Variants in TCF12 observed in about 807,000 individuals in gnomAD.
The protein encoded by TCF12 is transcription factor 12.
TCF12 carries 45 observed loss-of-function variants against 86.0 expected under a neutral mutation model. The ratio of observed to expected loss-of-function variants is 0.52; its 90% CI spans 0.41 to 0.67. The LOEUF (loss-of-function observed/expected upper bound fraction) is 0.67, where lower values mean the gene tolerates loss of function less well. Ranked by LOEUF, TCF12 falls within the 30% of genes least tolerant of loss-of-function variation. The pLI is 0.00. For synonymous variants in TCF12, 330 were observed against 299.6 expected (o/e 1.10, Z -1.05); for missense variants, 881 against 859.9 (o/e 1.02, Z -0.31).
chr15:57,200,450 A>C (rs2057484869), intron 8 of TCF12, among the ~76,000 whole-genome samples: 1 of 152,194 alleles, frequency 6.6e-6, no homozygotes, highest in East Asian at 1.9e-4. Context: ...GGAGTATTAA[A>C]AATGAAAATT....
At chr15:56,988,586 ATAAAGAGC>A (rs1328381634) in intron 3 of TCF12, among the ~76,000 whole-genome samples, 159 of 152,330 alleles carry the variant, frequency 1.0e-3, no homozygotes, top group African/African-American at 3.7e-3. Flanking sequence ...TGCTATAGTT[ATAAAGAGC>A]ACAAAGAGTG....
At chr15:57,009,899 A>G (rs1301116841) in intron 3 of TCF12, among the ~76,000 whole-genome samples, 1 of 152,168 alleles carries the variant, frequency 6.6e-6, no homozygotes, top group African/African-American at 2.4e-5. Flanking sequence ...ATGTAAAACT[A>G]ACTGTTTTAT....
At chr15:57,290,491 A>G (rs1239561247), downstream of TCF12, among the ~76,000 whole-genome samples, 5 of 152,160 alleles carry the variant, frequency 3.3e-5, no homozygotes, top group African/African-American at 1.2e-4. Context: ...CCTGTGAAAA[A>G]CAAAAGGGCA....
chr15:57,148,705 A>AG (rs2053541817), intron 5 of TCF12, among the ~76,000 whole-genome samples: 1 of 146,624 alleles, frequency 6.8e-6, no homozygotes, highest in South Asian at 2.1e-4. Context: ...ACGTGGCAAA[A>AG]AAAAAAAAAA....
At chr15:57,146,787 G>A (rs1286609364) in intron 5 of TCF12, among the ~76,000 whole-genome samples, 1 of 152,104 alleles carries the variant, frequency 6.6e-6, no homozygotes, top group African/African-American at 2.4e-5. Flanking sequence ...CAACATTTGG[G>A]AACCTTTCAT....
upstream of TCF12, chr15:56,918,411 C>T: frequency 2.8e-6 from 1 of 363,236 alleles, no homozygotes; most frequent in South Asian, 1.9e-5. Flanking sequence ...GGCGAGCGGT[C>T]GGGGCCTGCT....
At chr15:57,255,525 C>T (rs1205091734) in intron 16 of TCF12, among the ~76,000 whole-genome samples, 1 of 152,064 alleles carries the variant, frequency 6.6e-6, no homozygotes, top group Non-Finnish European at 1.5e-5. Flanking sequence ...ACTCTGTGGC[C>T]CAGGCTGGAG....
chr15:56,960,414 A>G (rs1234202078), intron 3 of TCF12, among the ~76,000 whole-genome samples: 1 of 149,004 alleles, frequency 6.7e-6, no homozygotes, highest in African/African-American at 2.5e-5. Context: ...TTGTTGACCC[A>G]AGGCTACTGT....
At chr15:56,953,114 TTTTC>T (rs1339593729) in intron 3 of TCF12, among the ~76,000 whole-genome samples, 1 of 152,056 alleles carries the variant, frequency 6.6e-6, no homozygotes. Flanking sequence ...GTCACATAGG[TTTTC>T]TTTGTTAATT....
intron 8 of TCF12, among the ~76,000 whole-genome samples, chr15:57,230,573 C>T (rs957033281): frequency 5.9e-5 from 9 of 151,956 alleles, no homozygotes; most frequent in African/African-American, 2.2e-4. Context: ...TAAAGCTTTG[C>T]CAGACTTGAA....
At chr15:56,959,729 T>A (rs1156619118) in intron 3 of TCF12, among the ~76,000 whole-genome samples, 2 of 152,200 alleles carry the variant, frequency 1.3e-5, no homozygotes, top group African/African-American at 4.8e-5. Flanking sequence ...AGTTTTTACA[T>A]TCGGATATCA....
chr15:57,165,816 G>A (rs1281156646), intron 5 of TCF12, among the ~76,000 whole-genome samples: 1 of 152,142 alleles, frequency 6.6e-6, no homozygotes, highest in African/African-American at 2.4e-5. Flanking sequence ...GATTACAGGC[G>A]TGAGCCACTG....
chr15:57,126,817 A>C (rs1266323675), intron 5 of TCF12, among the ~76,000 whole-genome samples: 1 of 152,220 alleles, frequency 6.6e-6, no homozygotes, highest in Non-Finnish European at 1.5e-5. Flanking sequence ...CAGTACACAG[A>C]AACTATAAGA....
At chr15:57,161,917 A>G (rs2054532699) in intron 5 of TCF12, among the ~76,000 whole-genome samples, 1 of 152,248 alleles carries the variant, frequency 6.6e-6, no homozygotes, top group Non-Finnish European at 1.5e-5. Flanking sequence ...TTAAAAGAAC[A>G]TTTTGATGAT....
rs540772178 is a variant in TCF12 at position 57,019,214 on chromosome 15, G to A, written c.149-44536G>A. On this transcript the variant is annotated intron_variant, in intron 3 of 20. Coordinates refer to ENST00000333725, the MANE Select transcript of TCF12 (RefSeq NM_207037.2). ...AAGGTATTTCAGAAGTATTTTACTC[G>A]TTGCCTTTTACTATCAATGTAGTGA... Among the ~76,000 whole-genome samples the A allele has an allele frequency of 5.3e-5, 8 of 152,284 alleles. No individual in the cohort carries two copies. The South Asian group carries it at 6.2e-4, about 12-fold the overall frequency.
intron 4 of TCF12, among the ~76,000 whole-genome samples, chr15:57,086,899 A>AT (rs1406284511): frequency 6.6e-6 from 1 of 152,132 alleles, no homozygotes; most frequent in African/African-American, 2.4e-5. Flanking sequence ...GATGAGATAA[A>AT]TTTTTTAAAT....
chr15:57,175,231 A>C (rs541141548), intron 6 of TCF12, among the ~76,000 whole-genome samples: 1 of 152,232 alleles, frequency 6.6e-6, no homozygotes, highest in South Asian at 2.1e-4. Context: ...CTGTAGTCCT[A>C]GCTACTCAGG....
chr15:57,212,906 A>G lies in TCF12; in HGVS notation c.579+15081A>G, dbSNP rs568210079. 1.3e-4 allele frequency among the ~76,000 whole-genome samples: 20 copies of G among 152,274 alleles called. No homozygotes were observed. In the East Asian group the frequency reaches 3.7e-3, roughly 28 times the overall value. On this transcript the variant is annotated intron_variant, in intron 8 of 20. Coordinates refer to ENST00000333725, the MANE Select transcript of TCF12 (RefSeq NM_207037.2). ...CTTTCGCGTTACATGATATAACTCC[A>G]CAGTTTTCTGGGACCTGAGTAGCCC... is the stretch of plus-strand genomic sequence containing the variant.
At chr15:57,211,166 T>C (rs2058086912) in intron 8 of TCF12, among the ~76,000 whole-genome samples, 1 of 152,252 alleles carries the variant, frequency 6.6e-6, no homozygotes, top group Non-Finnish European at 1.5e-5. Context: ...AAAATTGTTA[T>C]TGAGTAAATT....
Sources: gnomAD v4.1 joint callset for allele counts (sites outside exome capture counted in the v4.1 genomes callset) on GRCh38, gnomAD v4.1.1 for gene constraint, MANE v1.5 for transcripts, NCBI Gene and HGNC (gene_info 2026-07-23, HGNC 2026-07-21) for gene names.